The following SNCAIP variants were observed in gnomAD, a reference collection of about 807,000 sequenced individuals.
SNCAIP encodes the protein synphilin-1.
Under a neutral mutation model 86.7 loss-of-function variants are expected in SNCAIP, and 43 were observed. The ratio of observed to expected loss-of-function variants is 0.50; its 90% CI spans 0.39 to 0.64. SNCAIP has a LOEUF of 0.64. Ranked by LOEUF, SNCAIP falls within the 30% of genes least tolerant of loss-of-function variation. The pLI, the probability that SNCAIP is intolerant of heterozygous loss-of-function variation, is 0.00. For missense variants in SNCAIP, 981 were observed against 1,103.1 expected (o/e 0.89, Z 1.57); for synonymous variants, 417 against 427.2 (o/e 0.98, Z 0.29).
At chr5:122,339,268 C>A (rs1757094468) in intron 1 of SNCAIP, among the ~76,000 whole-genome samples, 1 of 152,164 alleles carries the variant, frequency 6.6e-6, no homozygotes, top group African/African-American at 2.4e-5. Context: ...CTGTAAACCT[C>A]CGGTGTTCAC....
chr5:122,377,694 C>T (rs1259122790), intron 1 of SNCAIP, among the ~76,000 whole-genome samples: 2 of 124,904 alleles, frequency 1.6e-5, no homozygotes, highest in African/African-American at 6.0e-5. Context: ...CCCCCCTCCC[C>T]CCACCCCACA....
At chr5:122,359,787 A>G (rs1210922026) in intron 1 of SNCAIP, among the ~76,000 whole-genome samples, 2 of 152,364 alleles carry the variant, frequency 1.3e-5, no homozygotes, top group Non-Finnish European at 1.5e-5. Flanking sequence ...TATAATAGCT[A>G]TTAATGGAAA....
At chr5:122,400,358 T>C (rs1429636946) in intron 2 of SNCAIP, among the ~76,000 whole-genome samples, 1 of 152,240 alleles carries the variant, frequency 6.6e-6, no homozygotes, top group Middle Eastern at 3.2e-3. Context: ...AAGGTCCCAC[T>C]TACTACTTAA....
intron 8 of SNCAIP, among the ~76,000 whole-genome samples, chr5:122,445,077 G>T (rs1397866659): frequency 6.6e-6 from 1 of 152,136 alleles, no homozygotes; most frequent in African/African-American, 2.4e-5. Context: ...CCAAACTTTT[G>T]TCCTTAATAT....
intron 1 of SNCAIP, among the ~76,000 whole-genome samples, chr5:122,347,416 CT>C (rs561015476): frequency 1.9e-4 from 22 of 118,000 alleles, no homozygotes; most frequent in Non-Finnish European, 3.6e-4. Flanking sequence ...TTTTTTTCTT[CT>C]CTTGACAGGC....
At chr5:122,320,146 C>T (rs1397015853) in intron 1 of SNCAIP, among the ~76,000 whole-genome samples, 2 of 151,988 alleles carry the variant, frequency 1.3e-5, no homozygotes, top group Non-Finnish European at 2.9e-5. Context: ...CTGGGAAGGT[C>T]TCACCTCACT....
In SNCAIP at chr5:122,391,319, C is replaced by G. The variant is rs57920585; in HGVS notation, c.57+128C>G. 4,870 of 754,200 alleles carry G rather than the reference C, an allele frequency of 6.5e-3. 178 individuals are homozygous for G. In the African/African-American group the frequency reaches 0.075, roughly 12 times the overall value. The allele number at this position is 754,200 out of a possible 1,614,324, so 46.7% of individuals were successfully genotyped here. On this transcript the variant is annotated intron_variant, in intron 2 of 10. Transcript: ENST00000261368. Reference sequence around the variant, plus strand: ...ACATTTAGAAATTCACAGCAGAAATCCTGTGTGGCAGACTCGGTGTGGTTT... The same window carrying G: ...ACATTTAGAAATTCACAGCAGAAATGCTGTGTGGCAGACTCGGTGTGGTTT...
At chr5:122,353,369 A>G (rs1322388458) in intron 1 of SNCAIP, among the ~76,000 whole-genome samples, 5 of 151,550 alleles carry the variant, frequency 3.3e-5, no homozygotes, top group Admixed American at 6.6e-5. Context: ...TGAAAAATTC[A>G]TCGTTATATA....
chr5:122,378,039 C>T (rs368976635), intron 1 of SNCAIP, among the ~76,000 whole-genome samples: 2 of 148,662 alleles, frequency 1.3e-5, no homozygotes, highest in Non-Finnish European at 3.0e-5. Context: ...ATTTATAGTC[C>T]TTTGGGTATA....
At chr5:122,321,969 AC>A (rs1302428904) in intron 1 of SNCAIP, 2 of 152,192 alleles carry the variant, frequency 1.3e-5, no homozygotes, top group African/African-American at 4.8e-5. Flanking sequence ...GAAAAAAAAA[AC>A]AAAAAAACAG....
intron 1 of SNCAIP, among the ~76,000 whole-genome samples, chr5:122,326,606 CTTTTTTTTTTTTTTTTTTT>C (rs11297385): frequency 9.5e-5 from 4 of 42,112 alleles, no homozygotes; most frequent in African/African-American, 2.6e-4. Context: ...GAAATGTCTC[CTTTTTTTTTTTTTTTTTTT>C]TTTTTTTTTT....
At chr5:122,318,824 C>G (rs1172584583) in intron 1 of SNCAIP, among the ~76,000 whole-genome samples, 3 of 152,160 alleles carry the variant, frequency 2.0e-5, no homozygotes, top group African/African-American at 7.2e-5. Flanking sequence ...ATAAGGAATC[C>G]TTTTCCCCCT....
At chr5:122,404,288 A>G (rs1052109054) in intron 3 of SNCAIP, among the ~76,000 whole-genome samples, 1 of 152,208 alleles carries the variant, frequency 6.6e-6, no homozygotes, top group Non-Finnish European at 1.5e-5. Context: ...CGGAAACCCT[A>G]TCAGAGATGC....
intron 1 of SNCAIP, among the ~76,000 whole-genome samples, chr5:122,317,699 A>G (rs1752061246): frequency 6.6e-6 from 1 of 152,094 alleles, no homozygotes. Context: ...AAATATTGAA[A>G]AGAAGAGATA....
chr5:122,415,041 GA>G (rs897339352), intron 3 of SNCAIP, among the ~76,000 whole-genome samples: 1 of 152,200 alleles, frequency 6.6e-6, no homozygotes, highest in Non-Finnish European at 1.5e-5. Context: ...TTGCTTTGTG[GA>G]ATTCTTAAAA....
intron 1 of SNCAIP, among the ~76,000 whole-genome samples, chr5:122,318,235 T>G (rs1752202445): frequency 6.6e-6 from 1 of 152,176 alleles, no homozygotes; most frequent in African/African-American, 2.4e-5. Context: ...TGGGCTGTTG[T>G]CTCTGTGGAA....
At chr5:122,349,909 C>T (rs1176344242) in intron 1 of SNCAIP, among the ~76,000 whole-genome samples, 2 of 152,160 alleles carry the variant, frequency 1.3e-5, no homozygotes, top group African/African-American at 4.8e-5. Flanking sequence ...CTGAAGACCA[C>T]CTCTGGACTT....
At chr5:122,383,854 G>C (rs1339225583) in intron 1 of SNCAIP, among the ~76,000 whole-genome samples, 1 of 152,162 alleles carries the variant, frequency 6.6e-6, no homozygotes, top group African/African-American at 2.4e-5. Flanking sequence ...ACATTAAAAG[G>C]ATGGTCATAA....
Position 122,463,707 on chromosome 5 carries a change from A to G in SNCAIP, c.*211A>G. The G allele has an allele frequency of 1.7e-6, 1 of 578,756 alleles. No homozygotes were observed. The allele number at this position is 578,756 out of a possible 1,614,324, so 35.9% of individuals were successfully genotyped here. On this transcript the variant is annotated 3_prime_UTR_variant, in exon 11 of 11. Transcript: ENST00000261368. ...AGAACAGAATATCAGGATGCCTTAA[A>G]TTTATAGTAGTAGACTGTAAAAGAT...
Sources: gnomAD v4.1 joint callset for allele counts (sites outside exome capture counted in the v4.1 genomes callset) on GRCh38, gnomAD v4.1.1 for gene constraint, MANE v1.5 for transcripts, NCBI Gene and HGNC (gene_info 2026-07-23, HGNC 2026-07-21) for gene names.